WWOX: variants seen among roughly 807,000 people sequenced by gnomAD.
The protein encoded by WWOX is WW domain containing oxidoreductase.
WWOX carries 69 observed loss-of-function variants against 46.2 expected under a neutral mutation model. The ratio of observed to expected loss-of-function variants is 1.49; its 90% CI spans 1.23 to 1.82. The LOEUF is 1.82. Ranked by LOEUF, WWOX falls within the 40% of genes most tolerant of loss-of-function variation. The pLI, the probability that WWOX is intolerant of heterozygous loss-of-function variation, is 0.00. For missense variants in WWOX, 919 were observed against 542.6 expected, an observed-to-expected ratio of 1.69 and a Z score of -6.89; for synonymous variants, 359 against 202.6, an observed-to-expected ratio of 1.77 and a Z score of -6.56.
intron 8 of WWOX, among the ~76,000 whole-genome samples, chr16:78,570,781 C>T (rs2044697014): frequency 1.3e-5 from 2 of 152,108 alleles, no homozygotes. Context: ...AGTGGCGATA[C>T]ATTTTCAGAA....
intron 8 of WWOX, among the ~76,000 whole-genome samples, chr16:79,149,250 G>C (rs1475875034): frequency 6.6e-6 from 1 of 152,112 alleles, no homozygotes; most frequent in Non-Finnish European, 1.5e-5. Context: ...ATGATAATGG[G>C]TGTGTACTTT....
chr16:78,625,870 A>C (rs1265590857), intron 8 of WWOX, among the ~76,000 whole-genome samples: 2 of 149,744 alleles, frequency 1.3e-5, no homozygotes, highest in Non-Finnish European at 3.0e-5. Flanking sequence ...CATTACTTAA[A>C]AGTTTTTAAG....
At chr16:78,572,773 G>C (rs1043792468) in intron 8 of WWOX, among the ~76,000 whole-genome samples, 1 of 152,084 alleles carries the variant, frequency 6.6e-6, no homozygotes, top group Non-Finnish European at 1.5e-5. Flanking sequence ...TGTTTTCCCA[G>C]GTGTGAGGGA....
chr16:78,120,349 T>TC (rs1298254975), intron 4 of WWOX, among the ~76,000 whole-genome samples: 8 of 152,030 alleles, frequency 5.3e-5, no homozygotes, highest in African/African-American at 1.2e-4. Context: ...GGCGGGTGGA[T>TC]CATGAGGTCA....
intron 8 of WWOX, among the ~76,000 whole-genome samples, chr16:78,509,074 T>G (rs1353484726): frequency 6.6e-6 from 1 of 152,258 alleles, no homozygotes; most frequent in African/African-American, 2.4e-5. Context: ...CAGTGGGCAC[T>G]GTTTCCAGTG....
chr16:78,902,936 G>A (rs1042012479), intron 8 of WWOX, among the ~76,000 whole-genome samples: 2 of 152,180 alleles, frequency 1.3e-5, no homozygotes, highest in Non-Finnish European at 2.9e-5. Flanking sequence ...AGGGAGTCGC[G>A]GCTGAGTCGA....
At position 78,950,111 on chromosome 16, in the gene WWOX, A is replaced by G. The variant is rs576371519; in HGVS notation, c.1057-261497A>G. ...AGTTCTCAACTATGATATACTGCAC[A>G]TGTTTTTGTTTTTGTATTTTGGTTC... On this transcript the variant is annotated intron_variant, in intron 8 of 8. Coordinates refer to ENST00000566780, the MANE Select transcript of WWOX (RefSeq NM_016373.4). Among the ~76,000 whole-genome samples the G allele has an allele frequency of 1.9e-3, 289 of 152,232 alleles. 1 individual carries two copies. Among genetic ancestry groups the G allele is most frequent in the African/African-American group, 6.5e-3 (270 of 41,532 alleles).
chr16:79,041,439 G>C (rs920476419), intron 8 of WWOX, among the ~76,000 whole-genome samples: 1 of 152,114 alleles, frequency 6.6e-6, no homozygotes, highest in African/African-American at 2.4e-5. Context: ...TCCTGTCCTG[G>C]GCAGACATAA....
At chr16:78,957,038 A>G (rs2046181505) in intron 8 of WWOX, among the ~76,000 whole-genome samples, 1 of 152,190 alleles carries the variant, frequency 6.6e-6, no homozygotes, top group Non-Finnish European at 1.5e-5. Context: ...TTTATTTAAT[A>G]GACTTGCCTC....
At chr16:78,332,140 G>C (rs1022986727) in intron 5 of WWOX, among the ~76,000 whole-genome samples, 4 of 152,012 alleles carry the variant, frequency 2.6e-5, no homozygotes, top group African/African-American at 4.8e-5. Flanking sequence ...ACCTTGTTTT[G>C]TGCCCACCTA....
intron 8 of WWOX, among the ~76,000 whole-genome samples, chr16:78,869,938 C>T (rs1352625251): frequency 6.6e-6 from 1 of 152,126 alleles, no homozygotes; most frequent in Middle Eastern, 3.2e-3. Context: ...GACGTCAGTG[C>T]CTTGGGAGTC....
intron 5 of WWOX, among the ~76,000 whole-genome samples, chr16:78,213,441 A>C (rs775887051): frequency 6.6e-6 from 1 of 151,636 alleles, no homozygotes; most frequent in South Asian, 2.1e-4. Flanking sequence ...TCATGCCCCA[A>C]TTCGAAAGAT....
At chr16:78,827,873 G>A (rs2051706361) in intron 8 of WWOX, among the ~76,000 whole-genome samples, 1 of 152,104 alleles carries the variant, frequency 6.6e-6, no homozygotes, top group Non-Finnish European at 1.5e-5. Flanking sequence ...CATATGGCCA[G>A]CAGCCAGTGT....
chr16:78,448,010 G>A (rs993656019), intron 8 of WWOX, among the ~76,000 whole-genome samples: 2 of 151,958 alleles, frequency 1.3e-5, no homozygotes, highest in Non-Finnish European at 2.9e-5. Flanking sequence ...CACCATACTG[G>A]CCCAGCTGGT....
At position 78,643,224 on chromosome 16, in the gene WWOX, C is replaced by A. The variant is rs555491333; in HGVS notation, c.1056+210472C>A. Reference sequence around the variant, plus strand: ...TAATGTCTAAGAAGTCAAAAAAGGACACGTATGCCTAGAAAACATGAATAA... The same window carrying A: ...TAATGTCTAAGAAGTCAAAAAAGGAAACGTATGCCTAGAAAACATGAATAA... On this transcript the variant is annotated intron_variant, in intron 8 of 8. Coordinates refer to ENST00000566780, the MANE Select transcript of WWOX (RefSeq NM_016373.4). 2.4e-3 allele frequency among the ~76,000 whole-genome samples: 370 copies of A among 152,314 alleles called. 1 individual carries two copies. The highest frequency in any genetic ancestry group is 8.6e-3 in the African/African-American group (359 of 41,568).
At chr16:79,028,379 A>T (rs374917657) in intron 8 of WWOX, among the ~76,000 whole-genome samples, 2 of 151,980 alleles carry the variant, frequency 1.3e-5, no homozygotes, top group African/African-American at 4.8e-5. Context: ...TTCAGTCCAG[A>T]CATTCTACCT....
intron 8 of WWOX, among the ~76,000 whole-genome samples, chr16:78,537,256 T>A (rs974504713): frequency 1.3e-5 from 2 of 152,120 alleles, no homozygotes; most frequent in South Asian, 2.1e-4. Flanking sequence ...TCTGCCTGCC[T>A]CCCTGTCTCC....
chr16:79,167,975 A>G (rs74383797), intron 8 of WWOX, among the ~76,000 whole-genome samples: 1,763 of 152,316 alleles, frequency 0.012, 35 homozygotes, highest in African/African-American at 0.041. Flanking sequence ...AAAGGAATCA[A>G]AGAATATGTG....
chr16:78,308,894 C>T (rs892531123), intron 5 of WWOX, among the ~76,000 whole-genome samples: 4 of 152,048 alleles, frequency 2.6e-5, no homozygotes, highest in South Asian at 2.1e-4. Context: ...ACGGTTTGGC[C>T]GCATCGCCAC....
Sources: allele counts gnomAD v4.1 joint callset (sites outside exome capture counted in the v4.1 genomes callset), GRCh38; gene constraint gnomAD v4.1.1; transcripts MANE v1.5; gene names NCBI Gene and HGNC (gene_info 2026-07-23, HGNC 2026-07-21).